Variants in CEP112 observed in about 807,000 individuals in gnomAD.
CEP112 encodes the protein centrosomal protein of 112 kDa.
CEP112 carries 127 observed loss-of-function variants against 153.0 expected under a neutral mutation model. That is an observed-to-expected ratio of 0.83 (90% confidence interval 0.72 to 0.96). The LOEUF (loss-of-function observed/expected upper bound fraction) is 0.96. Ranked by LOEUF, CEP112 falls within the 40% of genes least tolerant of loss-of-function variation. CEP112 has a pLI of 0.00. For missense variants in CEP112, 1,089 were observed against 1,101.2 expected, an observed-to-expected ratio of 0.99 and a Z score of 0.16; for synonymous variants, 358 against 374.4, an observed-to-expected ratio of 0.96 and a Z score of 0.51.
intron 17 of CEP112, among the ~76,000 whole-genome samples, chr17:65,992,922 T>C (rs1467129011): frequency 8.6e-6 from 1 of 116,492 alleles, no homozygotes; most frequent in African/African-American, 3.8e-5. Context: ...CATATGTGTA[T>C]TCTTTTTTGT....
intron 21 of CEP112, among the ~76,000 whole-genome samples, chr17:65,784,191 C>T (rs2054149885): frequency 6.6e-6 from 1 of 152,106 alleles, no homozygotes; most frequent in South Asian, 2.1e-4. Flanking sequence ...GACTGAAATC[C>T]TGGAGGTGAA....
intron 24 of CEP112, among the ~76,000 whole-genome samples, chr17:65,687,654 G>C (rs1362637306): frequency 6.6e-6 from 1 of 152,074 alleles, no homozygotes; most frequent in Non-Finnish European, 1.5e-5. Flanking sequence ...AGGAATTATA[G>C]GAAGGCAAGT....
chr17:65,784,958 AC>A (rs1482799464), intron 21 of CEP112, among the ~76,000 whole-genome samples: 1 of 152,098 alleles, frequency 6.6e-6, no homozygotes, highest in East Asian at 1.9e-4. Context: ...CAAAAAAAGA[AC>A]CCATCCCTAT....
chr17:66,128,084 T>G (rs1005070902), intron 6 of CEP112, among the ~76,000 whole-genome samples: 1 of 152,082 alleles, frequency 6.6e-6, no homozygotes, highest in Non-Finnish European at 1.5e-5. Context: ...GCAGATCACC[T>G]GAGGGTCGGG....
At chr17:65,823,742 C>T (rs1803941688) in intron 21 of CEP112, among the ~76,000 whole-genome samples, 1 of 151,970 alleles carries the variant, frequency 6.6e-6, no homozygotes, top group African/African-American at 2.4e-5. Context: ...AACTTGAGTC[C>T]AGAATACATA....
Position 66,066,891 on chromosome 17 carries a change from T to A in CEP112, c.856-14A>T. On this transcript the variant is annotated splice_polypyrimidine_tract_variant and intron_variant, in intron 9 of 26. Transcript: ENST00000535342. ...TCTTTCTAAAATCTGCAAATAAATT[T>A]AAAATATTTCAGTATATTGTACTAC... 1.4e-6 allele frequency: 2 copies of A among 1,480,022 alleles called. No homozygotes were observed. The highest frequency in any genetic ancestry group is 1.8e-6 in the Non-Finnish European group (2 of 1,102,444). The allele number at this position is 1,480,022 out of a possible 1,614,324, so 91.7% of individuals were successfully genotyped here.
At chr17:66,132,605 A>G in intron 5 of CEP112, 65 bp downstream of exon 5, 1 of 1,128,318 alleles carries the variant, frequency 8.9e-7, no homozygotes, top group Non-Finnish European at 1.3e-6. Flanking sequence ...AAATGAAATT[A>G]AAACTTTGTT....
At chr17:65,871,926 C>A (rs2058682840) in intron 20 of CEP112, among the ~76,000 whole-genome samples, 1 of 152,220 alleles carries the variant, frequency 6.6e-6, no homozygotes, top group African/African-American at 2.4e-5. Flanking sequence ...ATCAACGAAG[C>A]AACCCCATGG....
chr17:66,179,752 C>A (rs943394557), intron 2 of CEP112, among the ~76,000 whole-genome samples: 1 of 152,112 alleles, frequency 6.6e-6, no homozygotes, highest in Admixed American at 6.6e-5. Flanking sequence ...AAGTGGTCAA[C>A]CTTGTTGTAT....
At chr17:65,856,483 T>C (rs2058125157) in intron 20 of CEP112, among the ~76,000 whole-genome samples, 1 of 152,230 alleles carries the variant, frequency 6.6e-6, no homozygotes, top group Admixed American at 6.5e-5. Flanking sequence ...ACATATTTAT[T>C]GTACTTTATT....
At chr17:65,940,077 A>G (rs1348587179) in intron 18 of CEP112, among the ~76,000 whole-genome samples, 1 of 152,180 alleles carries the variant, frequency 6.6e-6, no homozygotes, top group Non-Finnish European at 1.5e-5. Context: ...CAGGCAAAGG[A>G]CCTAACCAGA....
chr17:65,880,865 A>T (rs1371490585), intron 20 of CEP112, among the ~76,000 whole-genome samples: 2 of 152,170 alleles, frequency 1.3e-5, no homozygotes, highest in African/African-American at 2.4e-5. Flanking sequence ...AAGGAGCAAC[A>T]CTTATTAATT....
intron 20 of CEP112, among the ~76,000 whole-genome samples, chr17:65,873,904 G>A (rs1190275588): frequency 6.6e-6 from 1 of 152,082 alleles, no homozygotes; most frequent in Non-Finnish European, 1.5e-5. Context: ...CATGTCATAA[G>A]GAAAGAATTT....
chr17:65,802,518 C>A (rs1165921999), intron 21 of CEP112, among the ~76,000 whole-genome samples: 2 of 152,176 alleles, frequency 1.3e-5, no homozygotes, highest in African/African-American at 4.8e-5. Context: ...TTAAACCACT[C>A]ACCCACTCAG....
chr17:65,861,499 A>G (rs2058307681), intron 20 of CEP112, among the ~76,000 whole-genome samples: 1 of 152,244 alleles, frequency 6.6e-6, no homozygotes, highest in Admixed American at 6.5e-5. Flanking sequence ...CATCTGCAAC[A>G]TATGTAACTT....
intron 17 of CEP112, among the ~76,000 whole-genome samples, chr17:65,970,447 ATATTACATGCATGCACACATG>A (rs1250830909): frequency 1.4e-4 from 8 of 59,172 alleles, no homozygotes; most frequent in Admixed American, 1.2e-3. Context: ...TCATGCATGT[ATATTACATGCATGCACACATG>A]CATGTATATT....
chr17:65,735,004 C>T (rs2050718072), intron 23 of CEP112, among the ~76,000 whole-genome samples: 1 of 152,150 alleles, frequency 6.6e-6, no homozygotes, highest in African/African-American at 2.4e-5. Context: ...GTGAGTTATA[C>T]AAATCTTCCA....
chr17:65,957,055 G>C (rs932607061), intron 18 of CEP112, among the ~76,000 whole-genome samples: 2 of 152,126 alleles, frequency 1.3e-5, no homozygotes, highest in Non-Finnish European at 2.9e-5. Context: ...ATTTCATCAT[G>C]TTACTAAGAA....
intron 21 of CEP112, among the ~76,000 whole-genome samples, chr17:65,821,318 A>G (rs1416272118): frequency 1.3e-5 from 2 of 150,604 alleles, no homozygotes; most frequent in Non-Finnish European, 3.0e-5. Flanking sequence ...ATGTGTATAT[A>G]TATACATATA....
Sources: gnomAD v4.1 joint callset for allele counts (sites outside exome capture counted in the v4.1 genomes callset) on GRCh38, gnomAD v4.1.1 for gene constraint, MANE v1.5 for transcripts, NCBI Gene and HGNC (gene_info 2026-07-23, HGNC 2026-07-21) for gene names.